The following RPS6KC1 variants were observed in gnomAD, a reference collection of about 807,000 sequenced individuals.
RPS6KC1 encodes the protein inactive ribosomal protein S6 kinase delta-1.
RPS6KC1 carries 54 observed loss-of-function variants against 103.8 expected under a neutral mutation model. That is an observed-to-expected ratio of 0.52 (90% CI 0.42 to 0.65). The LOEUF (loss-of-function observed/expected upper bound fraction) is 0.65. Among genes scored for constraint, RPS6KC1 ranks in the 30% least tolerant of loss-of-function variants. RPS6KC1 has a pLI of 0.00. For missense variants in RPS6KC1, 1,151 were observed against 1,253.8 expected (o/e 0.92, Z 1.24); for synonymous variants, 439 against 438.7 (o/e 1.00, Z -0.01).
the RPS6KC1 span, chr1:213,817,850 T>C: frequency 6.6e-6 from 1 of 152,152 alleles, no homozygotes; most frequent in Non-Finnish European, 1.5e-5. Context: ...AGCAAGTCTG[T>C]TGGTGCCATT....
At chr1:213,710,765 T>C in the RPS6KC1 span, among the ~76,000 whole-genome samples, 2 of 152,212 alleles carry the variant, frequency 1.3e-5, no homozygotes, top group Non-Finnish European at 2.9e-5. Context: ...TATTTTTCCT[T>C]TATTTATGGA....
chr1:213,414,552 G>A, the RPS6KC1 span, among the ~76,000 whole-genome samples: 8 of 152,146 alleles, frequency 5.3e-5, no homozygotes, highest in African/African-American at 1.9e-4. Flanking sequence ...CAGAAAGTAG[G>A]AGAGAGGCAC....
the RPS6KC1 span, among the ~76,000 whole-genome samples, chr1:213,305,402 C>T: frequency 6.6e-6 from 1 of 152,220 alleles, no homozygotes; most frequent in African/African-American, 2.4e-5. Flanking sequence ...GTCTTTATTA[C>T]TAGACCAAAT....
the RPS6KC1 span, among the ~76,000 whole-genome samples, chr1:213,622,136 A>G: frequency 3.3e-5 from 5 of 152,244 alleles, no homozygotes; most frequent in Admixed American, 3.3e-4. Context: ...AATACTTGAA[A>G]TGTTCCCCCT....
the RPS6KC1 span, among the ~76,000 whole-genome samples, chr1:213,418,793 T>C: frequency 6.7e-4 from 102 of 152,256 alleles, no homozygotes; most frequent in African/African-American, 2.3e-3. Flanking sequence ...TCCCATCTTC[T>C]TTTTCCTCCC....
chr1:213,118,466 G>A (rs1262434505), intron 5 of RPS6KC1, among the ~76,000 whole-genome samples: 1 of 152,104 alleles, frequency 6.6e-6, no homozygotes, highest in Non-Finnish European at 1.5e-5. Context: ...AGTTTATGGT[G>A]GAGGAGGATG....
At chr1:213,705,604 G>A in the RPS6KC1 span, among the ~76,000 whole-genome samples, 1 of 152,226 alleles carries the variant, frequency 6.6e-6, no homozygotes, top group Non-Finnish European at 1.5e-5. Flanking sequence ...GTGTGGCTGA[G>A]CTGGTACATA....
chr1:213,177,611 AAGTAGTAGGATTTTT>A (rs1024462090), intron 8 of RPS6KC1, among the ~76,000 whole-genome samples: 7 of 152,154 alleles, frequency 4.6e-5, no homozygotes, highest in African/African-American at 1.2e-4. Flanking sequence ...AAAAAATTCT[AAGTAGTAGGATTTTT>A]CTTTTTTTAA....
At chr1:213,127,807 A>AT (rs551818079) in intron 5 of RPS6KC1, among the ~76,000 whole-genome samples, 23 of 152,270 alleles carry the variant, frequency 1.5e-4, no homozygotes, top group African/African-American at 5.1e-4. Context: ...TTGACATATG[A>AT]TTTTTTGGGA....
At chr1:213,502,445 C>T in the RPS6KC1 span, among the ~76,000 whole-genome samples, 4 of 152,230 alleles carry the variant, frequency 2.6e-5, no homozygotes, top group East Asian at 7.7e-4. Context: ...TGGACAATTA[C>T]TTTATGAAAT....
chr1:213,295,243 G>A, the RPS6KC1 span, among the ~76,000 whole-genome samples: 3 of 152,172 alleles, frequency 2.0e-5, no homozygotes, highest in East Asian at 3.9e-4. Flanking sequence ...TGTATTTTAT[G>A]TTACCTGATA....
At chr1:213,161,525 T>A (rs2090473783) in intron 6 of RPS6KC1, among the ~76,000 whole-genome samples, 1 of 152,204 alleles carries the variant, frequency 6.6e-6, no homozygotes, top group African/African-American at 2.4e-5. Context: ...TTAACCATGT[T>A]GGCCAGGCTG....
chr1:213,717,508 A>G, the RPS6KC1 span, among the ~76,000 whole-genome samples: 3 of 152,344 alleles, frequency 2.0e-5, no homozygotes, highest in Non-Finnish European at 4.4e-5. Context: ...CGTTGAGTTT[A>G]TATGAGAGGG....
At chr1:213,167,160 TTGG>T (rs2148163538) in intron 6 of RPS6KC1, among the ~76,000 whole-genome samples, 1 of 152,270 alleles carries the variant, frequency 6.6e-6, no homozygotes, top group South Asian at 2.1e-4. Context: ...TAAATGGACC[TTGG>T]TGATTAGAGG....
the RPS6KC1 span, among the ~76,000 whole-genome samples, chr1:213,733,545 T>G: frequency 3.0e-5 from 2 of 67,658 alleles, no homozygotes; most frequent in East Asian, 4.2e-4. Context: ...CTATTTTTAG[T>G]TTGTTTTTTT....
At chr1:213,271,881 A>T (rs555441066) in intron 14 of RPS6KC1, among the ~76,000 whole-genome samples, 2 of 152,280 alleles carry the variant, frequency 1.3e-5, no homozygotes, top group South Asian at 4.1e-4. Context: ...TATATAAATT[A>T]TCCTTCAGTA....
At chr1:213,179,397 A>C (rs1181556207) in intron 8 of RPS6KC1, among the ~76,000 whole-genome samples, 2 of 151,942 alleles carry the variant, frequency 1.3e-5, no homozygotes, top group Non-Finnish European at 2.9e-5. Flanking sequence ...CCTGGGCAAC[A>C]GAGCCAGACC....
the RPS6KC1 span, among the ~76,000 whole-genome samples, chr1:213,736,109 T>C: frequency 1.3e-5 from 2 of 152,334 alleles, no homozygotes; most frequent in Admixed American, 1.3e-4. Context: ...CACAGGCCTA[T>C]CAAAATGTTT....
the RPS6KC1 span, among the ~76,000 whole-genome samples, chr1:213,785,859 C>T: frequency 2.0e-4 from 31 of 152,272 alleles, no homozygotes; most frequent in Admixed American, 1.8e-3. Flanking sequence ...AGAAAGCCAT[C>T]ATCCCACTGT....
Sources: allele counts gnomAD v4.1 joint callset (sites outside exome capture counted in the v4.1 genomes callset), GRCh38; gene constraint gnomAD v4.1.1; transcripts MANE v1.5; gene names NCBI Gene and HGNC (gene_info 2026-07-23, HGNC 2026-07-21).